The following NEDD4 variants were observed in gnomAD, a reference collection of about 807,000 sequenced individuals.
NEDD4 encodes the protein E3 ubiquitin-protein ligase NEDD4.
In NEDD4, 99 loss-of-function variants were observed where a neutral mutation model predicts 144.9. The ratio of observed to expected loss-of-function variants is 0.68; its 90% CI spans 0.58 to 0.81. The LOEUF (loss-of-function observed/expected upper bound fraction) is 0.81, where lower values mean the gene tolerates loss of function less well. Ranked by LOEUF, NEDD4 falls within the 30% of genes least tolerant of loss-of-function variation. The pLI, the probability that NEDD4 is intolerant of heterozygous loss-of-function variation, is 0.00. For missense variants in NEDD4, 985 were observed against 1,065.9 expected (o/e 0.92, Z 1.06); for synonymous variants, 318 against 350.6 (o/e 0.91, Z 1.04).
At chr15:55,924,409 G>C (rs1380444293) in intron 5 of NEDD4, 2 of 470,156 alleles carry the variant, frequency 4.3e-6, no homozygotes, top group East Asian at 3.4e-5. Context: ...AAGAGGTCTT[G>C]AGTAAGACCT....
intron 1 of NEDD4, among the ~76,000 whole-genome samples, chr15:55,968,498 C>CAGGA (rs557873069): frequency 7.3e-3 from 1,114 of 151,914 alleles, no homozygotes; most frequent in African/African-American, 0.026. Flanking sequence ...AAAATATCTA[C>CAGGA]AGAAGTATCT....
intron 2 of NEDD4, among the ~76,000 whole-genome samples, chr15:55,959,275 T>C (rs1174233250): frequency 6.6e-6 from 1 of 152,222 alleles, no homozygotes; most frequent in Admixed American, 6.5e-5. Context: ...TATTTAGAAG[T>C]ATACTAATTA....
chr15:55,839,790 A>G (rs72732263), intron 21 of NEDD4, among the ~76,000 whole-genome samples: 19,803 of 151,258 alleles, frequency 0.13, 1,492 homozygotes, highest in East Asian at 0.33. Context: ...ATCCTGGTGA[A>G]CACGGTGAAA....
chr15:55,979,339 C>CTTT (rs71110358), intron 1 of NEDD4, among the ~76,000 whole-genome samples: 448 of 66,038 alleles, frequency 6.8e-3, no homozygotes, highest in Non-Finnish European at 7.2e-3. Context: ...GTTTTTACCT[C>CTTT]TTTTTTTTTT....
At position 55,829,471 on chromosome 15, in the gene NEDD4, G is replaced by A. The variant is rs2032841309; in HGVS notation, c.*426C>T. The A allele has an allele frequency of 6.5e-6, 1 of 154,828 alleles. No homozygotes were observed. Among genetic ancestry groups the A allele is most frequent in the Admixed American group, 6.4e-5 (1 of 15,732 alleles). The allele number at this position is 154,828 out of a possible 1,614,324, so 9.6% of individuals were successfully genotyped here. ...AAATTTCAGTTTTCCATCTCAAAATGCATCAAACTTTTCACACATGACACG... is the reference window on the plus strand; with the variant it reads ...AAATTTCAGTTTTCCATCTCAAAATACATCAAACTTTTCACACATGACACG... On this transcript the variant is annotated 3_prime_UTR_variant, in exon 29 of 29. Transcript: ENST00000435532.
chr15:55,976,362 A>C (rs1468472434), intron 1 of NEDD4, among the ~76,000 whole-genome samples: 1 of 152,218 alleles, frequency 6.6e-6, no homozygotes, highest in Non-Finnish European at 1.5e-5. Flanking sequence ...TATGAAGCTC[A>C]AACAACTCAA....
intron 18 of NEDD4, among the ~76,000 whole-genome samples, chr15:55,843,204 T>C (rs1420140437): frequency 6.6e-6 from 1 of 152,198 alleles, no homozygotes; most frequent in African/African-American, 2.4e-5. Flanking sequence ...CTTTTGTAAA[T>C]TGCCTGGTCT....
chr15:55,961,425 A>T (rs571182987), intron 2 of NEDD4, among the ~76,000 whole-genome samples: 12 of 152,302 alleles, frequency 7.9e-5, no homozygotes, highest in African/African-American at 2.4e-4. Flanking sequence ...AGAAACTGTG[A>T]GACAATAAAT....
rs1245563172 is a variant in NEDD4, at chr15:55,886,304, C to A, written c.292-12296G>T. 3.3e-5 allele frequency among the ~76,000 whole-genome samples: 5 copies of A among 152,254 alleles called. No homozygotes were observed. In the East Asian group the frequency reaches 7.7e-4, roughly 24 times the overall value. ...TTGGACAGATATCCGGACAGAAAAT[C>A]AACAAAGAAACATCAGACTTAATCT... On this transcript the variant is annotated intron_variant, in intron 5 of 28. Coordinates refer to ENST00000435532, the MANE Select transcript of NEDD4 (RefSeq NM_006154.4).
chr15:55,943,663 T>G (rs1605837), intron 4 of NEDD4, among the ~76,000 whole-genome samples: 1 of 152,066 alleles, frequency 6.6e-6, no homozygotes, highest in Non-Finnish European at 1.5e-5. Flanking sequence ...GTCTGGATAT[T>G]GCAGGGGCAG....
At position 55,839,999 on chromosome 15, in the gene NEDD4, A is replaced by AATATATAT. The variant is rs1176994871; in HGVS notation, c.2031+440_2031+447dup. Among the ~76,000 whole-genome samples the AATATATAT allele has an allele frequency of 5.6e-3, 145 of 25,898 alleles. 1 individual carries two copies. The highest frequency in any genetic ancestry group is 6.5e-3 in the African/African-American group (43 of 6,578). The allele number at this position is 25,898 out of a possible 152,430, so 17.0% of individuals were successfully genotyped here. A position where few individuals can be genotyped will look rare whatever the true frequency, so the allele number is the denominator to read the frequency against. On this transcript the variant is annotated intron_variant, in intron 21 of 28. Transcript: ENST00000435532. ...AAAAAAAAAAAAAAAAAAAAAAAAAAATATATATATATATATATATATATA... is the reference window on the plus strand; with the variant it reads ...AAAAAAAAAAAAAAAAAAAAAAAAAAATATATATATATATATATATATATATATATATA...
At chr15:55,914,969 T>G (rs1187636377) in intron 5 of NEDD4, among the ~76,000 whole-genome samples, 4 of 152,102 alleles carry the variant, frequency 2.6e-5, no homozygotes, top group Non-Finnish European at 5.9e-5. Flanking sequence ...GATAAAATGT[T>G]ATGAAATAGA....
intron 8 of NEDD4, among the ~76,000 whole-genome samples, chr15:55,865,447 C>T (rs1173893725): frequency 1.3e-5 from 2 of 151,460 alleles, no homozygotes; most frequent in African/African-American, 4.9e-5. Context: ...AAAAGTGGGA[C>T]ACTGTTAAGT....
intron 4 of NEDD4, among the ~76,000 whole-genome samples, chr15:55,946,686 C>A (rs1295392709): frequency 1.3e-5 from 2 of 152,194 alleles, no homozygotes; most frequent in African/African-American, 4.8e-5. Context: ...CTCTCCACCC[C>A]AAATCAACAG....
chr15:55,969,328 A>G lies in NEDD4; in HGVS notation c.46-2782T>C, dbSNP rs140455133. 3.3e-3 allele frequency among the ~76,000 whole-genome samples: 505 copies of G among 152,264 alleles called. 2 individuals carry two copies. Among genetic ancestry groups the G allele is most frequent in the African/African-American group, 0.012 (485 of 41,560 alleles). On this transcript the variant is annotated intron_variant, in intron 1 of 28. Transcript: ENST00000435532. ...TGCCCCTGTAGGCTAAAGCACTCCA[A>G]GATCCTAAATAAACTTAAAAGGCAG... is the stretch of plus-strand genomic sequence containing the variant.
intron 4 of NEDD4, among the ~76,000 whole-genome samples, chr15:55,939,934 A>G (rs2036965299): frequency 6.6e-6 from 1 of 152,212 alleles, no homozygotes; most frequent in Admixed American, 6.5e-5. Flanking sequence ...TTACAGCATT[A>G]TTCACAGTAG....
At chr15:55,992,795 A>C (rs12324420) in intron 1 of NEDD4, among the ~76,000 whole-genome samples, 1 of 152,206 alleles carries the variant, frequency 6.6e-6, no homozygotes, top group Non-Finnish European at 1.5e-5. Context: ...TTCAAATCCC[A>C]GAGCTTAATC....
chr15:55,982,942 T>G (rs2037827597), intron 1 of NEDD4, among the ~76,000 whole-genome samples: 1 of 152,014 alleles, frequency 6.6e-6, no homozygotes, highest in African/African-American at 2.4e-5. Flanking sequence ...GCCAACATGG[T>G]GAAACCCCGT....
intron 2 of NEDD4, among the ~76,000 whole-genome samples, chr15:55,961,949 A>C (rs976265722): frequency 6.6e-6 from 1 of 152,120 alleles, no homozygotes; most frequent in Non-Finnish European, 1.5e-5. Flanking sequence ...TGATTTTTTT[A>C]TTTAGTTGTT....
Sources: gnomAD v4.1 joint callset for allele counts (sites outside exome capture counted in the v4.1 genomes callset) on GRCh38, gnomAD v4.1.1 for gene constraint, MANE v1.5 for transcripts, NCBI Gene and HGNC (gene_info 2026-07-23, HGNC 2026-07-21) for gene names.